Variants in CYP11B1 observed in about 807,000 individuals in gnomAD.
CYP11B1 encodes cytochrome P450 family 11 subfamily B member 1.
A neutral mutation model predicts 48.3 loss-of-function variants in CYP11B1; 34 were observed. That is an observed-to-expected ratio of 0.70 (90% CI 0.54 to 0.94). CYP11B1 has a LOEUF of 0.94. Among genes scored for constraint, CYP11B1 ranks in the 40% least tolerant of loss-of-function variants. The pLI is 0.00. For missense variants in CYP11B1, 688 were observed against 657.4 expected (o/e 1.05, Z -0.51); for synonymous variants, 291 against 262.5 (o/e 1.11, Z -1.05).
intron 4 of CYP11B1, 78 bp from the exon 5 acceptor site, chr8:142,876,473 G>T (rs1463084815): frequency 1.3e-6 from 2 of 1,546,218 alleles, no homozygotes; most frequent in East Asian, 2.4e-5. Flanking sequence ...TGCCCAGACT[G>T]CCCCGACACC....
chr8:142,877,197 G>T lies in CYP11B1; in HGVS notation c.421C>A (p.Arg141=). The change falls in exon 3 of 9, where the codon CGA becomes AGA. Residue 141 remains arginine, a synonymous_variant. Coordinates refer to ENST00000292427, the MANE Select transcript of CYP11B1 (RefSeq NM_000497.4). ...LLNGPEWRFN[R]LRLNPEVLSP... Reference sequence around the variant, plus strand: ...AGCACTTCTGGATTCAGCCGCAATCGGTTGAAGCGCCATTCAGGCCCATTC... The same window carrying T: ...AGCACTTCTGGATTCAGCCGCAATCTGTTGAAGCGCCATTCAGGCCCATTC... 6.2e-7 allele frequency: 1 copy of T among 1,613,976 alleles called. No individual in the cohort carries two copies.
chr8:142,874,872 T>G, intron 8 of CYP11B1, 85 bp downstream of exon 8: 1 of 1,529,304 alleles, frequency 6.5e-7, no homozygotes, highest in Non-Finnish European at 8.9e-7. Flanking sequence ...ACTCCCACTC[T>G]GCCGAGGCCA....
Position 142,879,567 on chromosome 8 carries a change from G to A in CYP11B1, c.239+8C>T, listed in dbSNP as rs1267609988. ...GGTGTTCCCAGCGAGGGCCAGGGAG[G>A]GCTTTACCTGAAAATGGGCCCTAGT... On this transcript the variant is annotated splice_region_variant and intron_variant, in intron 1 of 8. Transcript: ENST00000292427. The A allele has an allele frequency of 6.2e-7, 1 of 1,614,202 alleles. No homozygotes were observed. The highest frequency in any genetic ancestry group is 1.7e-5 in the Admixed American group (1 of 60,034).
Position 142,876,515 on chromosome 8 carries a change from G to A in CYP11B1, c.800-120C>T, listed in dbSNP as rs528479332. 86 of 1,542,664 alleles carry A rather than the reference G, an allele frequency of 5.6e-5. No individual in the cohort carries two copies. In the African/African-American group the frequency reaches 6.2e-4, roughly 11 times the overall value. Reference sequence around the variant, plus strand: ...TCCCTGCTCTCATCCCAAATTCTCCGGATCAGCCCAGCCCAGCCCCAGCCT... The same window carrying A: ...TCCCTGCTCTCATCCCAAATTCTCCAGATCAGCCCAGCCCAGCCCCAGCCT... On this transcript the variant is annotated intron_variant, in intron 4 of 8. Coordinates refer to ENST00000292427, the MANE Select transcript of CYP11B1 (RefSeq NM_000497.4).
intron 8 of CYP11B1, 29 bp downstream of exon 8, chr8:142,874,928 A>G (rs1816885479): frequency 6.2e-7 from 1 of 1,610,822 alleles, no homozygotes; most frequent in African/African-American, 1.3e-5. Flanking sequence ...GACCCCGCCC[A>G]GGCCCCTCCC....
rs1816865798 is a variant in CYP11B1, at chr8:142,874,307, G to T, written c.*66C>A. The T allele has an allele frequency of 9.3e-7, 1 of 1,071,662 alleles. No individual in the cohort carries two copies. The highest frequency in any genetic ancestry group is 1.5e-5 in the African/African-American group (1 of 64,520). 66.4% of individuals were successfully genotyped at this position (1,071,662 alleles called of 1,614,324 possible). A position where few individuals can be genotyped will look rare whatever the true frequency, so the allele number is the denominator to read the frequency against. On this transcript the variant is annotated 3_prime_UTR_variant, in exon 9 of 9. Transcript: ENST00000292427. ...GCTGTGCATGTGGGAGAGAAGAGGG[G>T]TGGCCTGGGGTCAGGCAGAAAGGGA...
At chr8:142,877,659 C>T in intron 2 of CYP11B1, 1 of 1,330,004 alleles carries the variant, frequency 7.5e-7, no homozygotes, top group Non-Finnish European at 1.0e-6. Context: ...CCGCCCTTCC[C>T]TGCCCTGGGC....
At chr8:142,878,475 C>T (rs1181879139) in intron 2 of CYP11B1, among the ~76,000 whole-genome samples, 1 of 152,242 alleles carries the variant, frequency 6.6e-6, no homozygotes, top group African/African-American at 2.4e-5. Context: ...AACATCCTCC[C>T]CAGTGCCATC....
At position 142,875,101 on chromosome 8, in the gene CYP11B1, C is replaced by T. The variant is rs1407041492; in HGVS notation, c.1254G>A (p.Pro418=). 1.9e-6 allele frequency: 3 copies of T among 1,614,240 alleles called. No individual in the cohort carries two copies. Among genetic ancestry groups the T allele is most frequent in the East Asian group, 2.2e-5 (1 of 44,886 alleles). Residue 418 remains proline (P), a synonymous_variant, in exon 8 of 9, where the codon CCG becomes CCA. Transcript: ENST00000292427. ...GCTGGGGGTTATAGCGCTCAGGCCT[C>T]GGGAACAAGGCGGGGTTGCGACCCA... ...YSLGRNPALF[P]RPERYNPQRW...
chr8:142,876,092 C>T (rs749882973), intron 5 of CYP11B1, 149 bp downstream of exon 5: 6 of 1,250,896 alleles, frequency 4.8e-6, no homozygotes, highest in South Asian at 2.6e-5. Flanking sequence ...AACCTGCAAA[C>T]GTGTTTATCA....
rs752755752 is a variant in CYP11B1 at position 142,876,223 on chromosome 8, G to T, written c.954+18C>A. ...CTTGGCATCACCCTCTCTGGGTGGG[G>T]CTGGTTGCCGGCCTGACCGTGTCCA... On this transcript the variant is annotated intron_variant, in intron 5 of 8. Coordinates refer to ENST00000292427, the MANE Select transcript of CYP11B1 (RefSeq NM_000497.4). 6.2e-7 allele frequency: 1 copy of T among 1,614,114 alleles called. No individual in the cohort carries two copies. Among genetic ancestry groups the T allele is most frequent in the South Asian group, 1.1e-5 (1 of 91,080 alleles).
intron 5 of CYP11B1, 179 bp downstream of exon 5, chr8:142,876,062 C>T (rs547377643): frequency 8.9e-7 from 1 of 1,119,268 alleles, no homozygotes; most frequent in South Asian, 1.4e-5. Flanking sequence ...CAGAAAGGAA[C>T]CCCCCATTCC....
At chr8:142,877,643 T>C in intron 2 of CYP11B1, 3 of 1,063,524 alleles carry the variant, frequency 2.8e-6, no homozygotes, top group Non-Finnish European at 4.1e-6. Flanking sequence ...GGCTGCCCTC[T>C]CCTCCCCGCC....
chr8:142,879,548 C>T, intron 1 of CYP11B1, 27 bp downstream of exon 1: 3 of 1,614,180 alleles, frequency 1.9e-6, no homozygotes, highest in Non-Finnish European at 2.5e-6. Flanking sequence ...TCTGGGTGTT[C>T]CCAGCGAGGG....
At chr8:142,878,755 A>T (rs556782961) in intron 2 of CYP11B1, among the ~76,000 whole-genome samples, 145 of 152,212 alleles carry the variant, frequency 9.5e-4, no homozygotes, top group African/African-American at 3.3e-3. Flanking sequence ...AGCATCGGCC[A>T]AGGTTGGTGC....
At position 142,879,141 on chromosome 8, in the gene CYP11B1, C is replaced by T; in HGVS notation, c.286G>A (p.Asp96Asn). 1 of 1,614,134 alleles carries T rather than the reference C, an allele frequency of 6.2e-7. No homozygotes were observed. The highest frequency in any genetic ancestry group is 8.5e-7 in the Non-Finnish European group (1 of 1,180,004). The change falls in exon 2 of 9, where the codon GAC (aspartate) becomes AAC (asparagine). Residue 96 changes from aspartate to asparagine, a missense_variant. Physicochemically the swap from Asp to Asn is conservative, Grantham distance 23. Transcript: ENST00000292427. Reference protein sequence around the residue: ...AGMVCVMLPEDVEKLQQVDSL... With the variant: ...AGMVCVMLPENVEKLQQVDSL... The stretch of plus-strand genomic sequence containing the variant: ...TCCACCTGTTGCAGCTTCTCCACGT[C>T]CTCCGGCAGCATCACACACACCATG...
intron 2 of CYP11B1, among the ~76,000 whole-genome samples, chr8:142,878,677 G>A (rs1427560187): frequency 6.6e-6 from 1 of 152,184 alleles, no homozygotes; most frequent in Non-Finnish European, 1.5e-5. Flanking sequence ...CTGGGCCAGT[G>A]GGAGTACCCT....
Position 142,874,404 on chromosome 8 carries a change from A to G in CYP11B1, c.1481T>C (p.Phe494Ser). The G allele has an allele frequency of 1.2e-6, 2 of 1,613,724 alleles. No individual in the cohort carries two copies. The highest frequency in any genetic ancestry group is 1.7e-6 in the Non-Finnish European group (2 of 1,179,762). ...VYSFILRPSM[F>S]PLLTFRAIN ...GATGGCTCTGAAGGTGAGGAGGGGG[A>G]ACATGCTGGGCCTCAATATGAAGCT... Residue 494 changes from phenylalanine (F) to serine (S), a missense_variant, in exon 9 of 9, where the codon TTC becomes TCC. Transcript: ENST00000292427.
In CYP11B1 at chr8:142,875,819, C is replaced by G; in HGVS notation, c.1014G>C (p.Gln338His). The G allele has an allele frequency of 1.9e-6, 3 of 1,614,108 alleles. No individual in the cohort carries two copies. The highest frequency in any genetic ancestry group is 2.5e-6 in the Non-Finnish European group (3 of 1,179,996). The part of the protein sequence containing the change: ...FELARNPNVQ[Q>H]ALRQESLAAA... ...CGGCCAGGCTCTCCTGGCGCAGGGC[C>G]TGCTGCACGTTGGGGTTCCGAGCCA... The change falls in exon 6 of 9, where the codon CAG (glutamine) becomes CAC (histidine). Residue 338 changes from glutamine (Q) to histidine (H), a missense_variant. Physicochemically the swap from Gln to His is conservative, Grantham distance 24. Coordinates refer to ENST00000292427, the MANE Select transcript of CYP11B1 (RefSeq NM_000497.4).
Sources: gnomAD v4.1 joint callset for allele counts (sites outside exome capture counted in the v4.1 genomes callset) on GRCh38, gnomAD v4.1.1 for gene constraint, MANE v1.5 for transcripts, NCBI Gene and HGNC (gene_info 2026-07-23, HGNC 2026-07-21) for gene names.